The following PCLO variants were observed in gnomAD, a reference collection of about 807,000 sequenced individuals.
PCLO encodes the protein piccolo presynaptic cytomatrix protein.
In PCLO, 82 loss-of-function variants were observed where a neutral mutation model predicts 427.5. The observed-to-expected ratio is 0.19, with a 90% CI of 0.16 to 0.23. PCLO has a LOEUF of 0.23. PCLO is among the 10% of genes least tolerant of loss of function. The pLI, the probability that PCLO is intolerant of heterozygous loss-of-function variation, is 1.00. For synonymous variants in PCLO, 2,357 were observed against 2,155.4 expected, an observed-to-expected ratio of 1.09 and a Z score of -2.59; for missense variants, 6,239 against 6,115.9, an observed-to-expected ratio of 1.02 and a Z score of -0.67.
At chr7:82,911,856 C>T (rs1253366657) in intron 7 of PCLO, among the ~76,000 whole-genome samples, 2 of 152,016 alleles carry the variant, frequency 1.3e-5, no homozygotes, top group East Asian at 1.9e-4. Context: ...CTCTTGACAT[C>T]GTGATCCACC....
intron 3 of PCLO, among the ~76,000 whole-genome samples, chr7:83,037,360 T>A (rs2116181416): frequency 6.6e-6 from 1 of 152,198 alleles, no homozygotes; most frequent in East Asian, 1.9e-4. Context: ...CCACCCAGCC[T>A]ATCACCATAT....
intron 3 of PCLO, among the ~76,000 whole-genome samples, chr7:82,982,767 T>C (rs1265978273): frequency 1.3e-5 from 2 of 152,018 alleles, no homozygotes; most frequent in Non-Finnish European, 2.9e-5. Context: ...CATATTTTAA[T>C]ATAATTTGAT....
At chr7:83,113,086 T>C (rs1791045602) in intron 3 of PCLO, among the ~76,000 whole-genome samples, 1 of 152,236 alleles carries the variant, frequency 6.6e-6, no homozygotes, top group Non-Finnish European at 1.5e-5. Context: ...TATTGAGCTT[T>C]AGCAAGCGCC....
intron 24 of PCLO, among the ~76,000 whole-genome samples, chr7:82,759,852 C>T (rs1331889157): frequency 6.6e-6 from 1 of 151,868 alleles, no homozygotes; most frequent in East Asian, 1.9e-4. Flanking sequence ...AGTCCTTGCC[C>T]TAGAGAAACT....
chr7:82,908,790 T>C, intron 8 of PCLO, 87 bp downstream of exon 8: 1 of 1,142,638 alleles, frequency 8.8e-7, no homozygotes, highest in Non-Finnish European at 1.3e-6. Flanking sequence ...AAACATCTCA[T>C]TCCTTTTAGG....
intron 3 of PCLO, among the ~76,000 whole-genome samples, chr7:83,049,129 G>T (rs1789172344): frequency 6.6e-6 from 1 of 151,986 alleles, no homozygotes; most frequent in African/African-American, 2.4e-5. Flanking sequence ...CACCTCTTAG[G>T]GAACAGAAAG....
At chr7:83,090,432 C>T (rs1055915514) in intron 3 of PCLO, among the ~76,000 whole-genome samples, 1 of 152,186 alleles carries the variant, frequency 6.6e-6, no homozygotes, top group Non-Finnish European at 1.5e-5. Flanking sequence ...TAGAACGTTG[C>T]ATTCCAAAAA....
chr7:82,922,299 A>G (rs973895345), intron 6 of PCLO, among the ~76,000 whole-genome samples: 2 of 151,964 alleles, frequency 1.3e-5, no homozygotes, highest in Non-Finnish European at 2.9e-5. Context: ...TATATTCATC[A>G]CAGCACTATT....
intron 10 of PCLO, among the ~76,000 whole-genome samples, chr7:82,848,304 G>GGTTT (rs1554340492): frequency 1.2e-5 from 1 of 83,878 alleles, no homozygotes; most frequent in Non-Finnish European, 2.2e-5. Context: ...CCATTAGTTA[G>GGTTT]TTTTTTTTTT....
chr7:83,010,242 C>T (rs73387650), intron 3 of PCLO, among the ~76,000 whole-genome samples: 3,410 of 151,988 alleles, frequency 0.022, 139 homozygotes, highest in African/African-American at 0.078. Flanking sequence ...AGCTTTGGCT[C>T]GAAATTCACA....
Position 82,827,875 on chromosome 7 carries a change from G to C in PCLO, c.14341C>G (p.Gln4781Glu). ...TVIYKSISMEQLKKKTLEVTV... is the reference protein window; with the variant it reads ...TVIYKSISMEELKKKTLEVTV... ...ACCTAGAAATAATCTTGACATACCT[G>C]TTCCATGGAAATACTTTTATAAATT... Residue 4781 changes from glutamine to glutamate, a missense_variant and splice_region_variant, in exon 17 of 25, where the codon CAG (glutamine) becomes GAG (glutamate). Gln to Glu is a conservative substitution (Grantham distance 29, BLOSUM62 2). Around this residue, in one of 5 missense-constraint regions of PCLO, gnomAD observed 877 missense variants for 925.5 expected, o/e 0.95. Transcript: ENST00000333891. The C allele has an allele frequency of 1.3e-6, 2 of 1,514,368 alleles. No homozygotes were observed. Among genetic ancestry groups the C allele is most frequent in the Non-Finnish European group, 1.8e-6 (2 of 1,092,972 alleles). 93.8% of individuals were successfully genotyped at this position (1,514,368 alleles called of 1,614,324 possible). A position where few individuals can be genotyped will look rare whatever the true frequency, so the allele number is the denominator to read the frequency against.
intron 21 of PCLO, among the ~76,000 whole-genome samples, chr7:82,802,030 A>G (rs182873179): frequency 5.3e-5 from 8 of 152,066 alleles, no homozygotes; most frequent in Admixed American, 5.2e-4. Flanking sequence ...ATTAAATAAT[A>G]TATAAAAATG....
In PCLO at chr7:83,147,482, A is replaced by G. The variant is rs186884374; in HGVS notation, c.1893+7266T>C. Among the ~76,000 whole-genome samples, 1,074 of 152,270 alleles carry G rather than the reference A, an allele frequency of 7.1e-3. 7 individuals are homozygous for G. The highest frequency in any genetic ancestry group is 0.014 in the South Asian group (66 of 4,828). ...TACTTTATTTTTTTCTATTGGCTCC[A>G]TGCAAACATTAGGACCAGTTAAAGC... On this transcript the variant is annotated intron_variant, in intron 2 of 24. Transcript: ENST00000333891.
At chr7:83,032,033 G>A (rs189150256) in intron 3 of PCLO, among the ~76,000 whole-genome samples, 2 of 152,168 alleles carry the variant, frequency 1.3e-5, no homozygotes, top group East Asian at 3.9e-4. Flanking sequence ...TGTCTCAATA[G>A]TATGAGGTTT....
chr7:82,999,491 AT>A (rs202026540), intron 3 of PCLO, among the ~76,000 whole-genome samples: 5 of 19,280 alleles, frequency 2.6e-4, no homozygotes, highest in Admixed American at 8.5e-4. Context: ...ATAAAATATA[AT>A]ATATATAATA....
intron 11 of PCLO, among the ~76,000 whole-genome samples, chr7:82,846,885 T>C (rs1274994951): frequency 6.6e-6 from 1 of 152,132 alleles, no homozygotes; most frequent in Non-Finnish European, 1.5e-5. Flanking sequence ...TAAATACATA[T>C]CCATGAAATC....
intron 3 of PCLO, among the ~76,000 whole-genome samples, chr7:83,094,763 A>G (rs1268761908): frequency 6.6e-6 from 1 of 152,182 alleles, no homozygotes; most frequent in Admixed American, 6.6e-5. Context: ...CAAGAGTGCA[A>G]CTGCCAGGTT....
chr7:82,898,266 A>T (rs1793954986), intron 9 of PCLO, among the ~76,000 whole-genome samples: 1 of 151,594 alleles, frequency 6.6e-6, no homozygotes, highest in African/African-American at 2.4e-5. Flanking sequence ...CTATTAAAAT[A>T]GTCTTGGCTT....
intron 3 of PCLO, among the ~76,000 whole-genome samples, chr7:83,081,631 T>A (rs1035078731): frequency 1.3e-5 from 2 of 152,000 alleles, no homozygotes; most frequent in South Asian, 4.1e-4. Flanking sequence ...TAACTTAGAT[T>A]GCTATTTTTC....
Sources: allele counts gnomAD v4.1 joint callset (sites outside exome capture counted in the v4.1 genomes callset), GRCh38; gene constraint gnomAD v4.1.1; regional missense constraint gnomAD v4.1.1; transcripts MANE v1.5; gene names NCBI Gene and HGNC (gene_info 2026-07-23, HGNC 2026-07-21).